Variants in FNDC1 observed in about 807,000 individuals in gnomAD.
FNDC1 encodes the protein fibronectin type III domain-containing protein 1.
A neutral mutation model predicts 168.0 loss-of-function variants in FNDC1; 96 were observed. The ratio of observed to expected loss-of-function variants is 0.57; its 90% CI spans 0.48 to 0.68. FNDC1 has a LOEUF of 0.68. Ranked by LOEUF, FNDC1 falls within the 30% of genes least tolerant of loss-of-function variation. The probability of loss-of-function intolerance (pLI) is 0.00; values close to 1 mark genes in which losing one functional copy is unlikely to be tolerated. For synonymous variants in FNDC1, 1,099 were observed against 1,025.9 expected, an observed-to-expected ratio of 1.07 and a Z score of -1.36; for missense variants, 2,587 against 2,482.1, an observed-to-expected ratio of 1.04 and a Z score of -0.90.
At chr6:159,257,990 G>T (rs1372349483) in intron 18 of FNDC1, among the ~76,000 whole-genome samples, 1 of 148,772 alleles carries the variant, frequency 6.7e-6, no homozygotes, top group Non-Finnish European at 1.5e-5. Context: ...AGGCCTTCCA[G>T]AGGCCTTGCC....
Position 159,248,206 on chromosome 6 carries a change from G to A in FNDC1, c.4691-833G>A, listed in dbSNP as rs1214164451. 2.0e-5 allele frequency among the ~76,000 whole-genome samples: 3 copies of A among 152,238 alleles called. No homozygotes were observed. In the East Asian group the frequency reaches 5.8e-4, roughly 29 times the overall value. ...TCTTATCTTTGAACAGTTTGAAAAA[G>A]GGGCAGTTTTATTTTCTTTTTCAAA... is the stretch of plus-strand genomic sequence containing the variant. On this transcript the variant is annotated intron_variant, in intron 15 of 22. Transcript: ENST00000297267.
chr6:159,232,435 C>A lies in FNDC1; in HGVS notation c.1923C>A (p.Asp641Glu), dbSNP rs201950696. The A allele has an allele frequency of 3.6e-4, 585 of 1,611,920 alleles. 1 individual carries two copies. In the African/African-American group the frequency reaches 6.8e-3, roughly 19 times the overall value. ...CTTCCCTGCCTGCCAGCTTGAATGA[C>A]AACGACTTGGTGGACTCAGACGAAG... Reference protein sequence around the residue: ...HRPSLPASLNDNDLVDSDEDE... With the variant: ...HRPSLPASLNENDLVDSDEDE... The change falls in exon 11 of 23, where the codon GAC (aspartate) becomes GAA (glutamate). Residue 641 changes from aspartate to glutamate, a missense_variant. By Grantham distance (45) the Asp-to-Glu change is conservative. Coordinates refer to ENST00000297267, the MANE Select transcript of FNDC1 (RefSeq NM_032532.3). The surrounding 1 kb of genome is among the most constrained non-coding windows in gnomAD (Gnocchi z 4.9).
In FNDC1 at chr6:159,232,134, C is replaced by T; in HGVS notation, c.1622C>T (p.Thr541Ile). 1 of 1,613,972 alleles carries T rather than the reference C, an allele frequency of 6.2e-7. No homozygotes were observed. The highest frequency in any genetic ancestry group is 8.5e-7 in the Non-Finnish European group (1 of 1,179,892). ...CTGGATCTTCAGTCGACAGAAATCACTGGGGAGGAGGAGCTGGGTTCCCGG... is the reference window on the plus strand; with the variant it reads ...CTGGATCTTCAGTCGACAGAAATCATTGGGGAGGAGGAGCTGGGTTCCCGG... ...EELDLQSTEI[T>I]GEEELGSRED... Residue 541 changes from threonine (T) to isoleucine (I), a missense_variant, in exon 11 of 23, where the codon ACT becomes ATT. Thr to Ile is a moderately conservative substitution (Grantham distance 89). Transcript: ENST00000297267. This position sits in a 1 kb window ranked among gnomAD's most constrained non-coding sequence, Gnocchi z 4.9.
chr6:159,239,933 A>G lies in FNDC1; in HGVS notation c.4597A>G (p.Ile1533Val). 6.7e-7 allele frequency: 1 copy of G among 1,500,562 alleles called. No homozygotes were observed. Among genetic ancestry groups the G allele is most frequent in the Middle Eastern group, 1.8e-4 (1 of 5,704 alleles). The allele number at this position is 1,500,562 out of a possible 1,614,324, so 93.0% of individuals were successfully genotyped here. A position where few individuals can be genotyped will look rare whatever the true frequency, so the allele number is the denominator to read the frequency against. The change falls in exon 14 of 23, where the codon ATC becomes GTC. Residue 1533 changes from isoleucine (I) to valine (V), a missense_variant. Physicochemically the swap from Ile to Val is conservative, Grantham distance 29. Transcript: ENST00000297267. ...CAACCTGATAATGAGCTCCAATGGG[A>G]TCCCAGAGTGCTACGCTGAAGAAGG... ...DGNLIMSSNG[I>V]PECYAEEDEF...
At chr6:159,211,370 G>A (rs1384441559) in intron 4 of FNDC1, among the ~76,000 whole-genome samples, 5 of 152,204 alleles carry the variant, frequency 3.3e-5, no homozygotes, top group African/African-American at 7.2e-5. Context: ...GAAAGTAGCC[G>A]CCAGACAGCT....
In FNDC1 at chr6:159,265,013, A is replaced by G. The variant is rs1295972295; in HGVS notation, c.5284+9A>G. The G allele has an allele frequency of 6.2e-7, 1 of 1,601,384 alleles. No homozygotes were observed. The highest frequency in any genetic ancestry group is 8.5e-7 in the Non-Finnish European group (1 of 1,171,712). On this transcript the variant is annotated intron_variant, in intron 20 of 22. Coordinates refer to ENST00000297267, the MANE Select transcript of FNDC1 (RefSeq NM_032532.3). ...TGTTGTGAGGCCCCCAGGTAAGTTT[A>G]TGTTCTTGATAATCTGGACATTCTG...
intron 5 of FNDC1, among the ~76,000 whole-genome samples, chr6:159,215,637 G>A (rs570712009): frequency 1.3e-4 from 20 of 152,260 alleles, no homozygotes; most frequent in African/African-American, 4.8e-4. Context: ...AGTTTATTAA[G>A]TATTAACTCA....
intron 1 of FNDC1, among the ~76,000 whole-genome samples, chr6:159,196,302 A>G (rs556844970): frequency 7.2e-5 from 11 of 152,142 alleles, no homozygotes; most frequent in Admixed American, 2.0e-4. Context: ...AAAATCCTCA[A>G]ATTCATACTC....
rs907107904 is a variant in FNDC1 at position 159,225,803 on chromosome 6, A to G, written c.1072+81A>G. The G allele has an allele frequency of 1.5e-5, 19 of 1,306,870 alleles. No individual in the cohort carries two copies. In the African/African-American group the frequency reaches 1.5e-4, roughly 10 times the overall value. 81.0% of individuals were successfully genotyped at this position (1,306,870 alleles called of 1,614,324 possible). ...GATTTAAAGACAATGTAAGATGCCAATAGTGACAAAGGCCAGCGTGGGCAT... is the reference window on the plus strand; with the variant it reads ...GATTTAAAGACAATGTAAGATGCCAGTAGTGACAAAGGCCAGCGTGGGCAT... On this transcript the variant is annotated intron_variant, in intron 8 of 22. Transcript: ENST00000297267.
intron 4 of FNDC1, among the ~76,000 whole-genome samples, chr6:159,208,490 G>A (rs1782531920): frequency 6.6e-6 from 1 of 152,204 alleles, no homozygotes; most frequent in Non-Finnish European, 1.5e-5. Flanking sequence ...GGGCTTCATG[G>A]CCATCCTGTG....
chr6:159,174,412 C>A (rs181656628), intron 1 of FNDC1, among the ~76,000 whole-genome samples: 17 of 152,394 alleles, frequency 1.1e-4, no homozygotes, highest in African/African-American at 3.6e-4. Flanking sequence ...TCCCTCGGCC[C>A]GGCCTGGGCA....
At chr6:159,252,673 G>A (rs1777295232) in intron 17 of FNDC1, among the ~76,000 whole-genome samples, 1 of 152,152 alleles carries the variant, frequency 6.6e-6, no homozygotes, top group Admixed American at 6.5e-5. Context: ...ATCAATCAAT[G>A]GAAGGAGGCA....
intron 13 of FNDC1, 103 bp downstream of exon 13, chr6:159,238,768 G>A (rs1562304033): frequency 2.5e-6 from 2 of 790,830 alleles, no homozygotes; most frequent in South Asian, 1.9e-5. Flanking sequence ...ATGGTCATGG[G>A]TTAGTTACTT....
chr6:159,257,411 T>A (rs9355263), intron 18 of FNDC1, among the ~76,000 whole-genome samples: 12,889 of 152,270 alleles, frequency 0.085, 1,015 homozygotes, highest in East Asian at 0.32. Flanking sequence ...TAAGCCACCA[T>A]GGGCTTGCAG....
intron 1 of FNDC1, among the ~76,000 whole-genome samples, chr6:159,185,747 G>A (rs1037961567): frequency 1.3e-5 from 2 of 152,194 alleles, no homozygotes; most frequent in African/African-American, 2.4e-5. Flanking sequence ...ATGGCAGGAC[G>A]AACCTCCCTA....
At chr6:159,199,785 T>C (rs1782332638) in intron 2 of FNDC1, among the ~76,000 whole-genome samples, 1 of 152,240 alleles carries the variant, frequency 6.6e-6, no homozygotes, top group South Asian at 2.1e-4. Context: ...TTATGTTCTT[T>C]GGGTCATGTG....
intron 1 of FNDC1, among the ~76,000 whole-genome samples, chr6:159,170,676 C>T (rs960425568): frequency 6.6e-6 from 1 of 152,184 alleles, no homozygotes; most frequent in Non-Finnish European, 1.5e-5. Context: ...TGTTCTCTTA[C>T]TTCAGGGGTA....
At position 159,233,473 on chromosome 6, in the gene FNDC1, G is replaced by C; in HGVS notation, c.2961G>C (p.Gln987His). The change falls in exon 11 of 23, where the codon CAG becomes CAC. Residue 987 changes from glutamine (Q) to histidine (H), a missense_variant. Coordinates refer to ENST00000297267, the MANE Select transcript of FNDC1 (RefSeq NM_032532.3). This position sits in a 1 kb window ranked among gnomAD's most constrained non-coding sequence, Gnocchi z 4.6. The stretch of plus-strand genomic sequence containing the variant: ...CTCGTCCGCCCGCAGCACGGTCACA[G>C]CAGCATCCCAGTGTTCCCAGAAGGA... ...SPARPPAARS[Q>H]QHPSVPRRMT... 1 of 1,605,958 alleles carries C rather than the reference G, an allele frequency of 6.2e-7. No homozygotes were observed. Among genetic ancestry groups the C allele is most frequent in the East Asian group, 2.2e-5 (1 of 44,764 alleles).
At position 159,233,827 on chromosome 6, in the gene FNDC1, G is replaced by A. The variant is rs759234748; in HGVS notation, c.3315G>A (p.Ala1105=). 4 of 1,542,476 alleles carry A rather than the reference G, an allele frequency of 2.6e-6. No individual in the cohort carries two copies. In the South Asian group the frequency reaches 3.6e-5, roughly 14 times the overall value. ...AHAARAKEAA[A]SLPKHQQVES... ...CCGCGCGCGCCAAGGAGGCAGCTGC[G>A]TCCCTTCCCAAGCACCAGCAGGTGG... The change falls in exon 11 of 23, where the codon GCG becomes GCA. Residue 1105 remains alanine, a synonymous_variant. Coordinates refer to ENST00000297267, the MANE Select transcript of FNDC1 (RefSeq NM_032532.3). This position sits in a 1 kb window ranked among gnomAD's most constrained non-coding sequence, Gnocchi z 4.6.
Sources: gnomAD v4.1 joint callset for allele counts (sites outside exome capture counted in the v4.1 genomes callset) on GRCh38, gnomAD v4.1.1 for gene constraint, Gnocchi (gnomAD v3.1) non-coding constraint, MANE v1.5 for transcripts, NCBI Gene and HGNC (gene_info 2026-07-23, HGNC 2026-07-21) for gene names.